The following AKAP10 variants were observed in gnomAD, a reference collection of about 807,000 sequenced individuals.
The protein encoded by AKAP10 is A-kinase anchoring protein 10, also known as A-kinase anchor protein 10, mitochondrial.
A neutral mutation model predicts 80.8 loss-of-function variants in AKAP10; 24 were observed. The ratio of observed to expected loss-of-function variants is 0.30; its 90% CI spans 0.22 to 0.42. The LOEUF is 0.42. Ranked by LOEUF, AKAP10 falls within the 10% of genes least tolerant of loss-of-function variation. The pLI, the probability that AKAP10 is intolerant of heterozygous loss-of-function variation, is 1.00. For synonymous variants in AKAP10, 291 were observed against 277.7 expected, an observed-to-expected ratio of 1.05 and a Z score of -0.48; for missense variants, 661 against 794.9, an observed-to-expected ratio of 0.83 and a Z score of 2.03.
At position 19,920,160 on chromosome 17, in the gene AKAP10, G is replaced by C. The variant is rs761575579; in HGVS notation, c.1752-42C>G. 2.3e-5 allele frequency: 33 copies of C among 1,442,512 alleles called. No homozygotes were observed. In the East Asian group the frequency reaches 6.8e-4, roughly 30 times the overall value. 89.4% of individuals were successfully genotyped at this position (1,442,512 alleles called of 1,614,324 possible). ...AGAAGACTTTAACTTCTAACAATCA[G>C]TTTTAAATTTAGGAGAAAACAATCA... is the stretch of plus-strand genomic sequence containing the variant. On this transcript the variant is annotated intron_variant, in intron 11 of 14. Coordinates refer to ENST00000225737, the MANE Select transcript of AKAP10 (RefSeq NM_007202.4).
intron 4 of AKAP10, among the ~76,000 whole-genome samples, chr17:19,948,521 C>T (rs778170338): frequency 1.1e-4 from 17 of 152,200 alleles, no homozygotes; most frequent in Non-Finnish European, 2.2e-4. Context: ...AAGAATCCTA[C>T]TTTCTGACAA....
intron 4 of AKAP10, among the ~76,000 whole-genome samples, chr17:19,948,649 G>A (rs967788529): frequency 1.3e-5 from 2 of 152,126 alleles, no homozygotes; most frequent in African/African-American, 4.8e-5. Context: ...CAACAGGAAA[G>A]GGATAAAGGG....
At chr17:19,911,789 C>T (rs2042692267) in intron 12 of AKAP10, among the ~76,000 whole-genome samples, 1 of 123,718 alleles carries the variant, frequency 8.1e-6, no homozygotes, top group African/African-American at 3.0e-5. Flanking sequence ...GAGCCGAGAT[C>T]ACGCCATTGC....
rs779375946 is a variant in AKAP10 at position 19,941,004 on chromosome 17, A to G, written c.1068T>C (p.Phe356=). Residue 356 remains phenylalanine, a synonymous_variant, in exon 7 of 15, where the codon TTT becomes TTC. Coordinates refer to ENST00000225737, the MANE Select transcript of AKAP10 (RefSeq NM_007202.4). Reference sequence around the variant, plus strand: ...AATGGTGACTTCGCAGAAACTCACTAAAGTGCCTGCACATGGACAAAAGGG... The same window carrying G: ...AATGGTGACTTCGCAGAAACTCACTGAAGTGCCTGCACATGGACAAAAGGG... ...IVFSAMEQEH[F]SEFLRSHHFC... is the part of the protein sequence containing the mutation. 11 of 1,600,696 alleles carry G rather than the reference A, an allele frequency of 6.9e-6. No individual in the cohort carries two copies. The Middle Eastern group carries it at 8.3e-4, about 121-fold the overall frequency.
chr17:19,946,658 T>A (rs1436625473), intron 5 of AKAP10, among the ~76,000 whole-genome samples: 1 of 84,370 alleles, frequency 1.2e-5, no homozygotes, highest in Non-Finnish European at 2.9e-5. Flanking sequence ...TAAGAAAAAC[T>A]TTTTTTTTTT....
chr17:19,907,167 C>T (rs980950996), intron 14 of AKAP10, among the ~76,000 whole-genome samples: 2 of 151,194 alleles, frequency 1.3e-5, no homozygotes, highest in Admixed American at 6.6e-5. Flanking sequence ...ACAGGCAATG[C>T]GCCACCACGC....
At chr17:19,940,130 G>A (rs1169115511) in intron 7 of AKAP10, among the ~76,000 whole-genome samples, 1 of 152,190 alleles carries the variant, frequency 6.6e-6, no homozygotes, top group East Asian at 1.9e-4. Context: ...AACTGGATTT[G>A]TGGTTCCTTG....
intron 4 of AKAP10, among the ~76,000 whole-genome samples, chr17:19,956,559 CT>C (rs1316127217): frequency 6.6e-6 from 1 of 152,138 alleles, no homozygotes; most frequent in Non-Finnish European, 1.5e-5. Context: ...AATTCAATAA[CT>C]TTTTTTCTTT....
chr17:19,975,028 C>A (rs74562542), intron 1 of AKAP10, among the ~76,000 whole-genome samples: 1,874 of 152,052 alleles, frequency 0.012, 37 homozygotes, highest in African/African-American at 0.043. Context: ...AATTAATATT[C>A]TTTCTGTATT....
intron 13 of AKAP10, among the ~76,000 whole-genome samples, 174 bp from the exon 14 acceptor site, chr17:19,909,450 T>A (rs1446786930): frequency 6.6e-6 from 1 of 152,248 alleles, no homozygotes; most frequent in African/African-American, 2.4e-5. Flanking sequence ...AATATTAACA[T>A]GTCATTCCCT....
At chr17:19,933,114 G>A (rs1036774038) in intron 9 of AKAP10, among the ~76,000 whole-genome samples, 16 of 152,102 alleles carry the variant, frequency 1.1e-4, no homozygotes, top group African/African-American at 3.9e-4. Context: ...TGTCTCCCAG[G>A]TTCAAGTGAT....
At chr17:19,977,559 G>A (rs990715731) in intron 1 of AKAP10, 33 bp downstream of exon 1, 66 of 1,230,374 alleles carry the variant, frequency 5.4e-5, no homozygotes, top group Non-Finnish European at 3.8e-5. Flanking sequence ...CCTGAGGCCC[G>A]GCCTGACTCC....
At chr17:19,938,185 C>T (rs980718630) in intron 8 of AKAP10, among the ~76,000 whole-genome samples, 1 of 151,752 alleles carries the variant, frequency 6.6e-6, no homozygotes, top group African/African-American at 2.4e-5. Context: ...CCTTGGCCTC[C>T]CAAAGTGCTG....
At chr17:19,958,769 A>G (rs1318896600) in intron 3 of AKAP10, among the ~76,000 whole-genome samples, 198 bp from the exon 4 acceptor site, 1 of 152,074 alleles carries the variant, frequency 6.6e-6, no homozygotes, top group Non-Finnish European at 1.5e-5. Context: ...AAACTTGCCT[A>G]AATTATTAAA....
At chr17:19,964,972 A>G (rs888255444) in intron 2 of AKAP10, among the ~76,000 whole-genome samples, 1 of 152,210 alleles carries the variant, frequency 6.6e-6, no homozygotes, top group African/African-American at 2.4e-5. Flanking sequence ...CTCCACATGG[A>G]CTGTTTGCAA....
intron 1 of AKAP10, among the ~76,000 whole-genome samples, chr17:19,974,102 G>C (rs1315815955): frequency 6.6e-6 from 1 of 152,122 alleles, no homozygotes. Flanking sequence ...TGAGGCAGGA[G>C]AATCACTTGA....
chr17:19,977,038 G>C (rs1432281323), intron 1 of AKAP10, among the ~76,000 whole-genome samples: 2 of 148,530 alleles, frequency 1.3e-5, no homozygotes, highest in African/African-American at 5.0e-5. Flanking sequence ...CCAGTAGTTA[G>C]CAAACTTGCC....
chr17:19,937,126 C>T (rs2043000794), intron 8 of AKAP10, among the ~76,000 whole-genome samples: 1 of 152,020 alleles, frequency 6.6e-6, no homozygotes, highest in Non-Finnish European at 1.5e-5. Context: ...AGGCTCTCTT[C>T]CAAGCACTCT....
intron 10 of AKAP10, among the ~76,000 whole-genome samples, chr17:19,926,067 T>G (rs982034855): frequency 6.6e-6 from 1 of 152,130 alleles, no homozygotes; most frequent in Non-Finnish European, 1.5e-5. Flanking sequence ...ATACAAAATC[T>G]TCAACAAAAT....
Sources: gnomAD v4.1 joint callset for allele counts (sites outside exome capture counted in the v4.1 genomes callset) on GRCh38, gnomAD v4.1.1 for gene constraint, MANE v1.5 for transcripts, NCBI Gene and HGNC (gene_info 2026-07-23, HGNC 2026-07-21) for gene names.